Variants in MAP3K15 observed in about 807,000 individuals in gnomAD.
The protein encoded by MAP3K15 is MAPK/ERK kinase kinase 15.
In MAP3K15, 124 loss-of-function variants were observed where a neutral mutation model predicts 99.5. That is an observed-to-expected ratio of 1.25 (90% CI 1.08 to 1.45). The LOEUF is 1.45. Among genes scored for constraint, MAP3K15 ranks in the 40% most tolerant of loss-of-function variants. MAP3K15 has a pLI of 0.00. For missense variants in MAP3K15, 1,242 were observed against 1,079.7 expected (o/e 1.15, Z -2.11); for synonymous variants, 494 against 439.6 (o/e 1.12, Z -1.55).
chrX:19,419,113 G>A (rs1233332533), intron 9 of MAP3K15, among the ~76,000 whole-genome samples: 1 of 112,079 alleles, frequency 8.9e-6, no homozygotes, highest in African/African-American at 3.2e-5. Context: ...ATCAAGGCTA[G>A]GAAGAAACTG....
At chrX:19,428,270 AC>A (rs1437239318) in intron 7 of MAP3K15, among the ~76,000 whole-genome samples, 2 of 111,705 alleles carry the variant, frequency 1.8e-5, no homozygotes, top group Admixed American at 9.5e-5. Flanking sequence ...TTCTGCACCT[AC>A]CGCCACCACC....
At chrX:19,379,351 A>G (rs1346373013) in intron 19 of MAP3K15, among the ~76,000 whole-genome samples, 1 of 107,334 alleles carries the variant, frequency 9.3e-6, no homozygotes, top group African/African-American at 3.4e-5. Flanking sequence ...CTGCTCTCCC[A>G]GAAATAGGAA....
At chrX:19,499,855 G>C (rs933403601) in intron 1 of MAP3K15, among the ~76,000 whole-genome samples, 2 of 112,317 alleles carry the variant, frequency 1.8e-5, no homozygotes, top group Non-Finnish European at 3.8e-5. Flanking sequence ...TCTATATTGC[G>C]ATGGGGGTTG....
At chrX:19,403,618 T>C (rs903350727) in intron 13 of MAP3K15, among the ~76,000 whole-genome samples, 2 of 94,283 alleles carry the variant, frequency 2.1e-5, no homozygotes, top group Non-Finnish European at 3.9e-5. Flanking sequence ...GTCACCATGC[T>C]GAGCTAATTT....
chrX:19,474,351 C>T (rs950061517), intron 3 of MAP3K15, among the ~76,000 whole-genome samples: 3 of 110,841 alleles, frequency 2.7e-5, no homozygotes, highest in Non-Finnish European at 5.7e-5. Context: ...AAATGGATGA[C>T]CCTGAAAAAT....
chrX:19,404,529 T>C (rs2063633774), intron 13 of MAP3K15, among the ~76,000 whole-genome samples: 1 of 111,953 alleles, frequency 8.9e-6, no homozygotes, highest in African/African-American at 3.2e-5. Context: ...AATGCAAGCA[T>C]CCACAATAAC....
intron 3 of MAP3K15, among the ~76,000 whole-genome samples, chrX:19,474,141 C>CCCA (rs2064224834): frequency 1.8e-5 from 2 of 112,099 alleles, no homozygotes; most frequent in Admixed American, 1.9e-4. Flanking sequence ...AATTTACACT[C>CCCA]CCACCCACAG....
chrX:19,402,044 T>C (rs937546736), intron 13 of MAP3K15, among the ~76,000 whole-genome samples: 1 of 110,881 alleles, frequency 9.0e-6, no homozygotes, highest in South Asian at 3.8e-4. Context: ...TCTTAGCACT[T>C]TGGGAGACTG....
Position 19,422,926 on chromosome X carries a change from G to A in MAP3K15, c.1439+2605C>T, listed in dbSNP as rs2063798585. Among the ~76,000 whole-genome samples, 5 of 107,243 alleles carry A rather than the reference G, an allele frequency of 4.7e-5. No homozygotes were observed. In the Admixed American group the frequency reaches 5.1e-4, roughly 11 times the overall value. The allele number at this position is 107,243 out of a possible 115,157, so 93.1% of individuals were successfully genotyped here. ...CATCATTCTCAGCAAACTATCACAA[G>A]GACAAAAAACCAAACACCACATGTT... On this transcript the variant is annotated intron_variant, in intron 9 of 28. Coordinates refer to ENST00000338883, the MANE Select transcript of MAP3K15 (RefSeq NM_001001671.4).
chrX:19,392,300 G>A (rs1318394389), intron 17 of MAP3K15, 43 bp downstream of exon 17: 1 of 1,183,066 alleles, frequency 8.5e-7, no homozygotes, highest in Non-Finnish European at 1.1e-6. Flanking sequence ...CTCATGATCT[G>A]ATACGAGCAA....
intron 4 of MAP3K15, among the ~76,000 whole-genome samples, chrX:19,462,380 G>C (rs2064139032): frequency 1.8e-5 from 2 of 111,675 alleles, no homozygotes; most frequent in South Asian, 7.5e-4. Flanking sequence ...AAAATTAGCA[G>C]ATTCTGCCAG....
At chrX:19,377,775 G>T (rs1320952758) in intron 19 of MAP3K15, among the ~76,000 whole-genome samples, 1 of 111,823 alleles carries the variant, frequency 8.9e-6, no homozygotes, top group Admixed American at 9.5e-5. Flanking sequence ...GAAGCTGCAG[G>T]TTAGATCTAC....
At position 19,372,667 on chromosome X, in the gene MAP3K15, C is replaced by A. The variant is rs1275089305; in HGVS notation, c.3094G>T (p.Glu1032Ter). 8.3e-7 allele frequency: 1 copy of A among 1,207,747 alleles called. No individual in the cohort carries two copies. The highest frequency in any genetic ancestry group is 1.8e-5 in the African/African-American group (1 of 57,042). The change falls in exon 22 of 29, where the codon GAG becomes TAG. Residue 1032 changes from glutamate to a stop codon, truncating the protein, a stop_gained. Transcript: ENST00000338883. LOFTEE classifies it high-confidence loss of function. The part of the protein sequence containing the change: ...EQNQVASNLQ[E>*]CVAQSSEELH... ...CGGGCAAATACCTGGGCCACACACT[C>A]CTGCAGGTTGGAAGCCACCTGGTTC...
At chrX:19,383,284 G>A (rs1232578710) in intron 18 of MAP3K15, among the ~76,000 whole-genome samples, 1 of 111,821 alleles carries the variant, frequency 8.9e-6, no homozygotes, top group Non-Finnish European at 1.9e-5. Context: ...AAATAACTGG[G>A]GTTATTTTTG....
intron 3 of MAP3K15, among the ~76,000 whole-genome samples, chrX:19,480,463 G>A (rs1198844821): frequency 9.0e-6 from 1 of 110,602 alleles, no homozygotes; most frequent in Non-Finnish European, 1.9e-5. Flanking sequence ...TGCGGTGACA[G>A]AGTAAGACCC....
rs368738911 is a variant in MAP3K15, at chrX:19,460,976, C to CT, written c.720-824dup. Among the ~76,000 whole-genome samples, 209 of 93,788 alleles carry CT rather than the reference C, an allele frequency of 2.2e-3. 1 individual carries two copies. Among genetic ancestry groups the CT allele is most frequent in the African/African-American group, 5.5e-3 (139 of 25,487 alleles). The allele number at this position is 93,788 out of a possible 115,157, so 81.4% of individuals were successfully genotyped here. ...TGCTATTAGAGACAGGGTTTCTTTC[C>CT]TTTTTTTTTTTTCTTTTTCTTAAGA... On this transcript the variant is annotated intron_variant, in intron 4 of 28. Coordinates refer to ENST00000338883, the MANE Select transcript of MAP3K15 (RefSeq NM_001001671.4).
chrX:19,375,243 C>T (rs1414129146), intron 19 of MAP3K15, among the ~76,000 whole-genome samples: 3 of 112,051 alleles, frequency 2.7e-5, no homozygotes, highest in Admixed American at 1.9e-4. Context: ...CAGCCTAGGG[C>T]GGCATGTCCT....
chrX:19,373,570 G>A lies in MAP3K15; in HGVS notation c.2899C>T (p.Arg967Trp), dbSNP rs753749742. Residue 967 changes from arginine to tryptophan, a missense_variant, in exon 21 of 29, where the codon CGG (arginine) becomes TGG (tryptophan). Arg to Trp is a moderately radical substitution (Grantham distance 101). Coordinates refer to ENST00000338883, the MANE Select transcript of MAP3K15 (RefSeq NM_001001671.4). ...TGGCCAAGGTGGTGCCTGGGCGCCC[G>A]GGTCCTCTCAAAGAGTGCGTCAGGC... ...AQPDALFERT[R>W]APRHHLGHLL... 37 of 1,173,842 alleles carry A rather than the reference G, an allele frequency of 3.2e-5. No homozygotes were observed. The South Asian group carries it at 3.4e-4, about 11-fold the overall frequency.
intron 1 of MAP3K15, among the ~76,000 whole-genome samples, chrX:19,511,422 C>T (rs1476391277): frequency 8.9e-6 from 1 of 112,005 alleles, no homozygotes; most frequent in Non-Finnish European, 1.9e-5. Context: ...ATCTATCAAT[C>T]TGACAAAGGT....
Sources: allele counts gnomAD v4.1 joint callset (sites outside exome capture counted in the v4.1 genomes callset), GRCh38; gene constraint gnomAD v4.1.1; transcripts MANE v1.5; gene names NCBI Gene and HGNC (gene_info 2026-07-23, HGNC 2026-07-21).